The following PKHD1 variants were observed in gnomAD, a reference collection of about 807,000 sequenced individuals.
PKHD1 encodes fibrocystin.
Under a neutral mutation model 412.0 loss-of-function variants are expected in PKHD1, and 291 were observed. The ratio of observed to expected loss-of-function variants is 0.71; its 90% CI spans 0.64 to 0.78. The LOEUF (loss-of-function observed/expected upper bound fraction) is 0.78. PKHD1 is among the 30% of genes least tolerant of loss of function. The probability of loss-of-function intolerance (pLI) is 0.00; values close to 1 mark genes in which losing one functional copy is unlikely to be tolerated. For synonymous variants in PKHD1, 1,777 were observed against 1,821.5 expected (o/e 0.98, Z 0.62); for missense variants, 4,825 against 4,950.7 (o/e 0.97, Z 0.76).
At position 51,796,127 on chromosome 6, in the gene PKHD1, C is replaced by A. The variant is rs148472499; in HGVS notation, c.8303-4754G>T. ...CTCTGGTAGAATTCAGCTGTGAATT[C>A]ACCTGGTCCTGGGCTTTCTTTGGTT... On this transcript the variant is annotated intron_variant, in intron 52 of 66. Coordinates refer to ENST00000371117, the MANE Select transcript of PKHD1 (RefSeq NM_138694.4). Among the ~76,000 whole-genome samples, 24 of 152,252 alleles carry A rather than the reference C, an allele frequency of 1.6e-4. No individual in the cohort carries two copies. The East Asian group carries it at 4.4e-3, about 28-fold the overall frequency.
rs1810874773 is a variant in PKHD1 at position 52,073,165 on chromosome 6, CAAAG to C, written c.527+294_527+297del. 2.0e-5 allele frequency among the ~76,000 whole-genome samples: 3 copies of C among 152,092 alleles called. 1 individual carries two copies. The South Asian group carries it at 6.2e-4, about 32-fold the overall frequency. On this transcript the variant is annotated intron_variant, in intron 7 of 66. Coordinates refer to ENST00000371117, the MANE Select transcript of PKHD1 (RefSeq NM_138694.4). Reference sequence around the variant, plus strand: ...AAAGAATCTATTTCAGGCTGAGAAACAAAGGAAGGAAGGGTGAGAATTCAAAAAG... The same window carrying C: ...AAAGAATCTATTTCAGGCTGAGAAACGAAGGAAGGGTGAGAATTCAAAAAG...
At chr6:51,864,239 C>T (rs968569731) in intron 48 of PKHD1, among the ~76,000 whole-genome samples, 24 of 152,236 alleles carry the variant, frequency 1.6e-4, no homozygotes, top group Admixed American at 3.9e-4. Flanking sequence ...CAGCAGGACA[C>T]GGAAGCTCCA....
chr6:51,979,055 C>T (rs1037932098), intron 35 of PKHD1, among the ~76,000 whole-genome samples: 1 of 152,184 alleles, frequency 6.6e-6, no homozygotes, highest in Non-Finnish European at 1.5e-5. Flanking sequence ...AATAGAATCA[C>T]CTGACTTGTC....
Position 51,650,855 on chromosome 6 carries a change from G to T in PKHD1, c.11175-1635C>A, listed in dbSNP as rs184136007. Among the ~76,000 whole-genome samples the T allele has an allele frequency of 3.6e-3, 554 of 152,180 alleles. 1 individual carries two copies. Among genetic ancestry groups the T allele is most frequent in the Middle Eastern group, 0.01 (3 of 294 alleles). Reference sequence around the variant, plus strand: ...AGTTTGTTTAGCCTGAGTGGCTAGGGCTTCTTTCCTTTTTTAAAGGGAACA... The same window carrying T: ...AGTTTGTTTAGCCTGAGTGGCTAGGTCTTCTTTCCTTTTTTAAAGGGAACA... On this transcript the variant is annotated intron_variant, in intron 61 of 66. Coordinates refer to ENST00000371117, the MANE Select transcript of PKHD1 (RefSeq NM_138694.4).
At chr6:52,018,668 C>CAAA (rs1290585451) in intron 33 of PKHD1, among the ~76,000 whole-genome samples, 1 of 152,148 alleles carries the variant, frequency 6.6e-6, no homozygotes, top group African/African-American at 2.4e-5. Flanking sequence ...TGCACACCAC[C>CAAA]ACACCCCGGA....
rs745674241 is a variant in PKHD1 at position 51,934,208 on chromosome 6, C to G, written c.6023G>C (p.Arg2008Thr). Reference sequence around the variant, plus strand: ...ACTCCCGTAGAGTGTGATCTGAGCTCTGCCTTGGAAGGGCTTGTCTTCGGA... The same window carrying G: ...ACTCCCGTAGAGTGTGATCTGAGCTGTGCCTTGGAAGGGCTTGTCTTCGGA... ...IGSEDKPFQG[R>T]AQITLYGSSY... Residue 2008 changes from arginine to threonine, a missense_variant, in exon 37 of 67, where the codon AGA (arginine) becomes ACA (threonine). Coordinates refer to ENST00000371117, the MANE Select transcript of PKHD1 (RefSeq NM_138694.4). The G allele has an allele frequency of 3.7e-6, 6 of 1,613,942 alleles. No individual in the cohort carries two copies. Among genetic ancestry groups the G allele is most frequent in the Non-Finnish European group, 5.1e-6 (6 of 1,179,822 alleles).
At chr6:51,712,367 T>C (rs952696355) in intron 60 of PKHD1, among the ~76,000 whole-genome samples, 1 of 152,194 alleles carries the variant, frequency 6.6e-6, no homozygotes, top group Non-Finnish European at 1.5e-5. Flanking sequence ...TCAGAAGTAC[T>C]CAAGGGGGTC....
chr6:51,652,999 A>T (rs2150382928), intron 61 of PKHD1, among the ~76,000 whole-genome samples: 1 of 152,302 alleles, frequency 6.6e-6, no homozygotes, highest in Admixed American at 6.5e-5. Flanking sequence ...TAAATTCTTT[A>T]GTCAATTCTA....
At chr6:51,622,426 A>G (rs1479413552) in intron 66 of PKHD1, 3 of 152,204 alleles carry the variant, frequency 2.0e-5, no homozygotes, top group Admixed American at 2.0e-4. Flanking sequence ...TTTTGAGCCT[A>G]AACAGGATCT....
intron 55 of PKHD1, among the ~76,000 whole-genome samples, chr6:51,770,670 T>C (rs969565267): frequency 2.6e-5 from 4 of 151,960 alleles, no homozygotes; most frequent in African/African-American, 9.7e-5. Flanking sequence ...TTTTATGGTT[T>C]CTTTCATTTT....
chr6:51,642,025 C>A (rs1460632852), intron 63 of PKHD1, among the ~76,000 whole-genome samples: 1 of 152,012 alleles, frequency 6.6e-6, no homozygotes, highest in Non-Finnish European at 1.5e-5. Flanking sequence ...GCACATGTAT[C>A]CCAGAACTTA....
chr6:51,620,291 A>G (rs114269725), intron 66 of PKHD1, among the ~76,000 whole-genome samples: 2,669 of 152,308 alleles, frequency 0.018, 39 homozygotes, highest in Non-Finnish European at 0.027. Flanking sequence ...AAACAGACCT[A>G]AACATCAACT....
chr6:51,761,990 C>T (rs947606505), intron 55 of PKHD1, among the ~76,000 whole-genome samples: 1 of 152,000 alleles, frequency 6.6e-6, no homozygotes, highest in Non-Finnish European at 1.5e-5. Context: ...CCTCAATATT[C>T]AGTCCATCAG....
At chr6:51,777,607 C>A (rs1269093139) in intron 53 of PKHD1, among the ~76,000 whole-genome samples, 1 of 141,820 alleles carries the variant, frequency 7.1e-6, no homozygotes, top group East Asian at 2.1e-4. Flanking sequence ...CTTGCCATTA[C>A]AAGTCTGTCC....
chr6:51,772,808 A>T lies in PKHD1; in HGVS notation c.8555-19T>A, dbSNP rs753451076. ...TAAACCCCTGAAAATAAAAGGAGTA[A>T]CAGTTGGATAGAAAAATCCTTCAGA... On this transcript the variant is annotated intron_variant, in intron 54 of 66. Coordinates refer to ENST00000371117, the MANE Select transcript of PKHD1 (RefSeq NM_138694.4). The T allele has an allele frequency of 7.4e-7, 1 of 1,343,730 alleles. No homozygotes were observed. Among genetic ancestry groups the T allele is most frequent in the African/African-American group, 1.4e-5 (1 of 69,910 alleles). 83.2% of individuals were successfully genotyped at this position (1,343,730 alleles called of 1,614,324 possible).
chr6:51,686,480 CCTCTT>C (rs1314552356), intron 60 of PKHD1, among the ~76,000 whole-genome samples: 1 of 152,148 alleles, frequency 6.6e-6, no homozygotes, highest in African/African-American at 2.4e-5. Flanking sequence ...AATCCCACAC[CCTCTT>C]CTCTGTCTCC....
At chr6:51,836,287 T>C in intron 51 of PKHD1, 117 bp downstream of exon 51, 1 of 757,362 alleles carries the variant, frequency 1.3e-6, no homozygotes, top group East Asian at 2.6e-5. Flanking sequence ...ATCAGACATA[T>C]AAGCTTTAGG....
intron 36 of PKHD1, among the ~76,000 whole-genome samples, chr6:51,953,895 C>T (rs552563781): frequency 2.0e-5 from 3 of 152,036 alleles, no homozygotes; most frequent in African/African-American, 2.4e-5. Flanking sequence ...AGGAGAATGC[C>T]GGCAAGCAAA....
rs149437451 is a variant in PKHD1 at position 52,046,353 on chromosome 6, C to T, written c.2408-165G>A. On this transcript the variant is annotated intron_variant, in intron 23 of 66. Coordinates refer to ENST00000371117, the MANE Select transcript of PKHD1 (RefSeq NM_138694.4). ...GTAGAATCCCCAGCCATAATTAAAC[C>T]ATTTTTTCCTAAGGTAAAGACAAGT... Among the ~76,000 whole-genome samples, 11 of 152,250 alleles carry T rather than the reference C, an allele frequency of 7.2e-5. 1 individual carries two copies. The East Asian group carries it at 2.1e-3, about 29-fold the overall frequency.
Sources: allele counts gnomAD v4.1 joint callset (sites outside exome capture counted in the v4.1 genomes callset), GRCh38; gene constraint gnomAD v4.1.1; transcripts MANE v1.5; gene names NCBI Gene and HGNC (gene_info 2026-07-23, HGNC 2026-07-21).